The following ADGRV1 variants were observed in gnomAD, a reference collection of about 807,000 sequenced individuals.
ADGRV1 encodes adhesion G protein-coupled receptor V1.
In ADGRV1, 359 loss-of-function variants were observed where a neutral mutation model predicts 596.2. That is an observed-to-expected ratio of 0.60 (90% confidence interval 0.55 to 0.66). The LOEUF (loss-of-function observed/expected upper bound fraction) is 0.66. ADGRV1 is among the 30% of genes least tolerant of loss of function. ADGRV1 has a pLI of 0.00. For synonymous variants in ADGRV1, 2,681 were observed against 2,679.2 expected (o/e 1.00, Z -0.02); for missense variants, 7,274 against 7,575.6 (o/e 0.96, Z 1.48).
At chr5:90,639,096 A>ACACACACACACG (rs1554067824) in intron 11 of ADGRV1, among the ~76,000 whole-genome samples, 1 of 150,760 alleles carries the variant, frequency 6.6e-6, no homozygotes, top group Non-Finnish European at 1.5e-5. Context: ...ACACACACAC[A>ACACACACACACG]CGCTCGCGCA....
At chr5:90,931,034 T>C (rs946913052) in intron 83 of ADGRV1, 1 of 152,122 alleles carries the variant, frequency 6.6e-6, no homozygotes, top group African/African-American at 2.4e-5. Context: ...TGACTCGGAA[T>C]AGATGACACC....
rs776306672 is a variant in ADGRV1 at position 90,694,673 on chromosome 5, T to C, written c.7917T>C (p.Gly2639=). ...CTACTGAAGGTTTAGATTTTATAGG[T>C]GCTGGAGAGATTCTGACCTTTGCTG... ...GTATEGLDFI[G]AGEILTFAEG... The change falls in exon 33 of 90, where the codon GGT becomes GGC. Residue 2639 remains glycine (G), a synonymous_variant. Transcript: ENST00000405460. The C allele has an allele frequency of 3.6e-5, 57 of 1,598,868 alleles. 1 individual carries two copies. Among genetic ancestry groups the C allele is most frequent in the Middle Eastern group, 1.7e-4 (1 of 5,974 alleles).
At chr5:90,738,170 T>C (rs1753493292) in intron 50 of ADGRV1, among the ~76,000 whole-genome samples, 1 of 152,122 alleles carries the variant, frequency 6.6e-6, no homozygotes, top group Non-Finnish European at 1.5e-5. Context: ...TTTAAATTGA[T>C]AAAAAATTAA....
chr5:91,036,948 T>C (rs1784964000), intron 85 of ADGRV1, among the ~76,000 whole-genome samples: 1 of 152,218 alleles, frequency 6.6e-6, no homozygotes, highest in Non-Finnish European at 1.5e-5. Context: ...GGGACTCTGA[T>C]GGATCTGAAA....
At chr5:90,741,858 T>G (rs1169300273) in intron 50 of ADGRV1, among the ~76,000 whole-genome samples, 1 of 152,200 alleles carries the variant, frequency 6.6e-6, no homozygotes, top group African/African-American at 2.4e-5. Context: ...TTATTTTGAA[T>G]GTGTCAAATA....
At position 90,807,718 on chromosome 5, in the gene ADGRV1, C is replaced by T. The variant is rs1762037475; in HGVS notation, c.14953C>T (p.Pro4985Ser). ...CCTATCAGGAGTGCAGAGCAGTGCT[C>T]CTGGCGGAGCTCAACTCCGGTAAGA... ...LHLSGVQSSA[P>S]GGAQLRSGFI... The change falls in exon 73 of 90, where the codon CCT (proline) becomes TCT (serine). Residue 4985 changes from proline (P) to serine (S), a missense_variant. Transcript: ENST00000405460. 6.4e-7 allele frequency: 1 copy of T among 1,562,446 alleles called. No individual in the cohort carries two copies. The highest frequency in any genetic ancestry group is 2.3e-5 in the East Asian group (1 of 44,092).
rs1431869913 is a variant in ADGRV1 at position 90,777,780 on chromosome 5, G to T, written c.12528-125G>T. Reference sequence around the variant, plus strand: ...TTTGGTTTATAGTTTGGTAAATGAGGTTATTTAAAAGAAAACTGTTATTGA... The same window carrying T: ...TTTGGTTTATAGTTTGGTAAATGAGTTTATTTAAAAGAAAACTGTTATTGA... On this transcript the variant is annotated intron_variant, in intron 61 of 89. Coordinates refer to ENST00000405460, the MANE Select transcript of ADGRV1 (RefSeq NM_032119.4). 1.4e-5 allele frequency: 12 copies of T among 853,028 alleles called. No individual in the cohort carries two copies. The South Asian group carries it at 1.6e-4, about 11-fold the overall frequency. 52.8% of individuals were successfully genotyped at this position (853,028 alleles called of 1,614,324 possible).
intron 27 of ADGRV1, among the ~76,000 whole-genome samples, chr5:90,683,107 G>A (rs949597193): frequency 2.0e-5 from 3 of 152,044 alleles, no homozygotes; most frequent in Admixed American, 6.5e-5. Context: ...AATTTATTGG[G>A]CATAAAAGAT....
intron 69 of ADGRV1, among the ~76,000 whole-genome samples, chr5:90,790,493 AAAAC>A (rs1328588657): frequency 6.6e-6 from 1 of 152,192 alleles, no homozygotes; most frequent in Non-Finnish European, 1.5e-5. Context: ...TTTTTTATTA[AAAAC>A]AAACAAAAAT....
intron 6 of ADGRV1, 99 bp downstream of exon 6, chr5:90,625,342 A>G (rs1764603113): frequency 6.0e-6 from 4 of 662,606 alleles, no homozygotes; most frequent in South Asian, 2.0e-5. Context: ...CACCTCAGCT[A>G]TAAATAGCTG....
intron 17 of ADGRV1, 80 bp from the exon 18 acceptor site, chr5:90,651,524 A>C (rs920370998): frequency 8.3e-7 from 1 of 1,209,944 alleles, no homozygotes; most frequent in African/African-American, 1.5e-5. Context: ...TTAATTGTAA[A>C]CTTTCTTAAT....
chr5:90,816,855 A>G (rs1221041553), intron 75 of ADGRV1, among the ~76,000 whole-genome samples: 2 of 152,036 alleles, frequency 1.3e-5, no homozygotes, highest in African/African-American at 4.8e-5. Context: ...TATTGTGAAT[A>G]GTGCCGCAAT....
intron 83 of ADGRV1, among the ~76,000 whole-genome samples, chr5:90,886,307 T>TC (rs1472926183): frequency 1.3e-5 from 2 of 152,148 alleles, no homozygotes; most frequent in African/African-American, 4.8e-5. Flanking sequence ...CTCAGACTCT[T>TC]CCTCTCCTGG....
rs10064111 is a variant in ADGRV1, at chr5:90,692,462, G to A, written c.6952-143G>A. 3.6e-3 allele frequency: 2,215 copies of A among 617,538 alleles called. 39 individuals carry two copies. In the African/African-American group the frequency reaches 0.037, roughly 10 times the overall value. 38.3% of individuals were successfully genotyped at this position (617,538 alleles called of 1,614,324 possible). A position where few individuals can be genotyped will look rare whatever the true frequency, so the allele number is the denominator to read the frequency against. On this transcript the variant is annotated intron_variant, in intron 31 of 89. Transcript: ENST00000405460. ...ACATGCTGGGTTTGTAAGTGTAATT[G>A]GGGAGTTCTTTTAGTCCATTTATAT...
At chr5:91,116,664 CAATG>C (rs1371364336) in intron 87 of ADGRV1, among the ~76,000 whole-genome samples, 1 of 152,096 alleles carries the variant, frequency 6.6e-6, no homozygotes, top group Non-Finnish European at 1.5e-5. Flanking sequence ...AATAAGACCT[CAATG>C]TATGGGTGCT....
At chr5:90,658,326 T>C in intron 21 of ADGRV1, 48 bp downstream of exon 21, 1 of 1,460,210 alleles carries the variant, frequency 6.8e-7, no homozygotes, top group Non-Finnish European at 9.1e-7. Flanking sequence ...TCATTGTAGG[T>C]GGATTTGTTT....
chr5:91,161,046 A>T (rs1343741326), intron 89 of ADGRV1, among the ~76,000 whole-genome samples: 1 of 152,170 alleles, frequency 6.6e-6, no homozygotes, highest in African/African-American at 2.4e-5. Context: ...AGTGGGATTT[A>T]GAGTAGGCAG....
chr5:90,867,241 T>G (rs1223939662), intron 83 of ADGRV1, among the ~76,000 whole-genome samples: 5 of 152,178 alleles, frequency 3.3e-5, no homozygotes, highest in Admixed American at 3.3e-4. Flanking sequence ...GTATTTACTC[T>G]GATTAATAAT....
At chr5:90,773,771 A>G (rs1340201155) in intron 59 of ADGRV1, among the ~76,000 whole-genome samples, 1 of 152,178 alleles carries the variant, frequency 6.6e-6, no homozygotes, top group East Asian at 1.9e-4. Flanking sequence ...TTGATGAACA[A>G]CGGCTGGCAT....
Sources: gnomAD v4.1 joint callset for allele counts (sites outside exome capture counted in the v4.1 genomes callset) on GRCh38, gnomAD v4.1.1 for gene constraint, MANE v1.5 for transcripts, NCBI Gene and HGNC (gene_info 2026-07-23, HGNC 2026-07-21) for gene names.